The following MCTP1 variants were observed in gnomAD, a reference collection of about 807,000 sequenced individuals.
The protein encoded by MCTP1 is multiple C2 and transmembrane domain-containing protein 1.
In MCTP1, 69 loss-of-function variants were observed where a neutral mutation model predicts 120.6. That is an observed-to-expected ratio of 0.57 (90% CI 0.47 to 0.70). MCTP1 has a LOEUF of 0.70. Among genes scored for constraint, MCTP1 ranks in the 30% least tolerant of loss-of-function variants. The probability of loss-of-function intolerance (pLI) is 0.00; values close to 1 mark genes in which losing one functional copy is unlikely to be tolerated. For missense variants in MCTP1, 1,203 were observed against 1,248.8 expected, an observed-to-expected ratio of 0.96 and a Z score of 0.55; for synonymous variants, 529 against 493.1, an observed-to-expected ratio of 1.07 and a Z score of -0.96.
chr5:95,063,845 T>C (rs933978499), intron 1 of MCTP1, among the ~76,000 whole-genome samples: 1 of 152,190 alleles, frequency 6.6e-6, no homozygotes, highest in African/African-American at 2.4e-5. Flanking sequence ...ATAGAATATT[T>C]ACCCCTAGAG....
intron 19 of MCTP1, among the ~76,000 whole-genome samples, chr5:94,750,749 A>G (rs1768089380): frequency 6.6e-6 from 1 of 152,222 alleles, no homozygotes; most frequent in Non-Finnish European, 1.5e-5. Context: ...ACTTGCAGTT[A>G]TTACTGCAGC....
chr5:94,861,483 A>G (rs1795771244), intron 17 of MCTP1, among the ~76,000 whole-genome samples: 1 of 151,872 alleles, frequency 6.6e-6, no homozygotes, highest in South Asian at 2.1e-4. Context: ...TGACTAAAGC[A>G]TATTAATGAC....
At position 95,026,270 on chromosome 5, in the gene MCTP1, C is replaced by A. The variant is rs1839239261; in HGVS notation, c.721-8786G>T. On this transcript the variant is annotated intron_variant, in intron 1 of 22. Transcript: ENST00000515393. ...AGGTTAAATGGGATACTCATCACCT[C>A]AAGCATTTACCCTTTGCGTTACATA... Among the ~76,000 whole-genome samples, 3 of 152,250 alleles carry A rather than the reference C, an allele frequency of 2.0e-5. No homozygotes were observed. The South Asian group carries it at 6.2e-4, about 32-fold the overall frequency.
At chr5:95,193,709 C>CA (rs985434685) in intron 1 of MCTP1, among the ~76,000 whole-genome samples, 2 of 151,794 alleles carry the variant, frequency 1.3e-5, no homozygotes, top group South Asian at 2.1e-4. Context: ...ATAATAGTAG[C>CA]AAAAAAAGTC....
At chr5:95,281,306 A>C (rs79231761) in intron 1 of MCTP1, among the ~76,000 whole-genome samples, 4 of 152,302 alleles carry the variant, frequency 2.6e-5, no homozygotes, top group African/African-American at 9.6e-5. Context: ...CTGACTCCTG[A>C]GCAGCTGAAT....
intron 3 of MCTP1, among the ~76,000 whole-genome samples, chr5:94,949,760 TCA>T (rs1820019004): frequency 1.3e-5 from 2 of 152,278 alleles, no homozygotes; most frequent in South Asian, 4.2e-4. Context: ...ACTATGTAGT[TCA>T]CAGATGCATT....
chr5:94,769,744 T>C (rs1773645204), intron 19 of MCTP1, among the ~76,000 whole-genome samples: 1 of 152,164 alleles, frequency 6.6e-6, no homozygotes. Flanking sequence ...TTTACTTGAT[T>C]TTGGATTTGC....
intron 17 of MCTP1, among the ~76,000 whole-genome samples, chr5:94,855,526 T>C (rs1794571119): frequency 6.6e-6 from 1 of 151,814 alleles, no homozygotes; most frequent in Non-Finnish European, 1.5e-5. Context: ...ATCATTCTAT[T>C]AGATAAGCTG....
intron 19 of MCTP1, among the ~76,000 whole-genome samples, chr5:94,721,462 C>T (rs866562428): frequency 2.0e-5 from 3 of 152,092 alleles, no homozygotes; most frequent in African/African-American, 4.8e-5. Context: ...CCCAGTCCAC[C>T]GCCACTCCCT....
chr5:94,877,206 G>A (rs1454563945), intron 12 of MCTP1, among the ~76,000 whole-genome samples: 1 of 152,042 alleles, frequency 6.6e-6, no homozygotes, highest in Non-Finnish European at 1.5e-5. Context: ...TAAAAAGTAG[G>A]CTGACATTTT....
At chr5:95,151,280 G>T (rs550976446) in intron 1 of MCTP1, among the ~76,000 whole-genome samples, 17 of 151,128 alleles carry the variant, frequency 1.1e-4, no homozygotes, top group Non-Finnish European at 1.5e-4. Flanking sequence ...CACCACACCC[G>T]GCCAGAAAAT....
At chr5:95,090,537 G>T (rs1392152992) in intron 1 of MCTP1, among the ~76,000 whole-genome samples, 2 of 152,202 alleles carry the variant, frequency 1.3e-5, no homozygotes, top group Non-Finnish European at 2.9e-5. Context: ...GCAGTGCACA[G>T]ATACACGTGG....
chr5:95,181,447 G>A (rs923174149), intron 1 of MCTP1, among the ~76,000 whole-genome samples: 3 of 152,074 alleles, frequency 2.0e-5, no homozygotes, highest in African/African-American at 7.2e-5. Flanking sequence ...TTGATTGATT[G>A]CCTAAAGGTC....
At chr5:94,965,952 C>T (rs1035485753) in intron 2 of MCTP1, among the ~76,000 whole-genome samples, 6 of 152,160 alleles carry the variant, frequency 3.9e-5, no homozygotes, top group Admixed American at 1.3e-4. Context: ...GGACACCAAA[C>T]CGGCCGGTGC....
intron 12 of MCTP1, among the ~76,000 whole-genome samples, chr5:94,887,588 T>C (rs1337331429): frequency 2.0e-5 from 3 of 152,178 alleles, no homozygotes; most frequent in Non-Finnish European, 2.9e-5. Flanking sequence ...TGTATATACA[T>C]TTTACATTAA....
At chr5:94,723,631 A>G (rs1483015046) in intron 19 of MCTP1, among the ~76,000 whole-genome samples, 1 of 151,746 alleles carries the variant, frequency 6.6e-6, no homozygotes, top group Non-Finnish European at 1.5e-5. Flanking sequence ...CCTCTTTTGC[A>G]AGGCAGCCTT....
chr5:95,123,927 G>C (rs1758430578), intron 1 of MCTP1, among the ~76,000 whole-genome samples: 1 of 152,096 alleles, frequency 6.6e-6, no homozygotes, highest in African/African-American at 2.4e-5. Flanking sequence ...AGGATTACAG[G>C]CATGAGCCAC....
chr5:94,884,402 C>T (rs1362899267), intron 12 of MCTP1, among the ~76,000 whole-genome samples: 1 of 152,152 alleles, frequency 6.6e-6, no homozygotes, highest in African/African-American at 2.4e-5. Context: ...TGACTCCTCT[C>T]TGGTTTCCAA....
intron 2 of MCTP1, among the ~76,000 whole-genome samples, chr5:95,006,305 G>GTA (rs1401211227): frequency 2.0e-5 from 3 of 150,674 alleles, no homozygotes; most frequent in Non-Finnish European, 4.4e-5. Flanking sequence ...GTATATATAT[G>GTA]TATATATATG....
Sources: allele counts gnomAD v4.1 joint callset (sites outside exome capture counted in the v4.1 genomes callset), GRCh38; gene constraint gnomAD v4.1.1; transcripts MANE v1.5; gene names NCBI Gene and HGNC (gene_info 2026-07-23, HGNC 2026-07-21).